Variants in KCNK6 observed in about 807,000 individuals in gnomAD.
The protein encoded by KCNK6 is potassium two pore domain channel subfamily K member 6.
In KCNK6, 20 loss-of-function variants were observed where a neutral mutation model predicts 21.9. The observed-to-expected ratio is 0.91, with a 90% CI of 0.64 to 1.32. The LOEUF (loss-of-function observed/expected upper bound fraction) is 1.32, where lower values mean the gene tolerates loss of function less well. Among genes scored for constraint, KCNK6 ranks in the 40% most tolerant of loss-of-function variants. KCNK6 has a pLI of 0.00. For missense variants in KCNK6, 415 were observed against 433.1 expected (o/e 0.96, Z 0.37); for synonymous variants, 210 against 218.0 (o/e 0.96, Z 0.32).
chr19:38,328,878 G>GAGAGAGAAAGAAAGAAAGAAAGAAAGAA lies in KCNK6; in HGVS notation c.*1478_*1479insGAGAAAGAAAGAAAGAAAGAAAGAAAGA, dbSNP rs1969741292. Reference sequence around the variant, plus strand: ...AGAGAGAAAGAAAGAAAGAAAGAGAGAGAAAGAAAGAAAGAAAGAAAGGGA... The same window carrying GAGAGAGAAAGAAAGAAAGAAAGAAAGAA: ...AGAGAGAAAGAAAGAAAGAAAGAGAGAGAGAGAAAGAAAGAAAGAAAGAAAGAAAGAAAGAAAGAAAGAAAGAAAGGGA... On this transcript the variant is annotated 3_prime_UTR_variant, in exon 3 of 3. Coordinates refer to ENST00000263372, the MANE Select transcript of KCNK6 (RefSeq NM_004823.3). The GAGAGAGAAAGAAAGAAAGAAAGAAAGAA allele has an allele frequency of 3.7e-5, 5 of 135,666 alleles. No individual in the cohort carries two copies. Among genetic ancestry groups the GAGAGAGAAAGAAAGAAAGAAAGAAAGAA allele is most frequent in the East Asian group, 2.1e-4 (1 of 4,764 alleles). The allele number at this position is 135,666 out of a possible 1,614,324, so 8.4% of individuals were successfully genotyped here. A position where few individuals can be genotyped will look rare whatever the true frequency, so the allele number is the denominator to read the frequency against.
Position 38,327,273 on chromosome 19 carries a change from T to C in KCNK6, c.812T>C (p.Leu271Pro). The C allele has an allele frequency of 2.5e-6, 4 of 1,613,742 alleles. No homozygotes were observed. The highest frequency in any genetic ancestry group is 3.4e-6 in the Non-Finnish European group (4 of 1,180,020). ...DLHGLTELIL[L>P]PPPCPASFNA... ...CACGGCCTCACGGAGCTCATCCTGC[T>C]GCCCCCTCCGTGCCCTGCCAGTTTC... is the stretch of plus-strand genomic sequence containing the variant. The change falls in exon 3 of 3, where the codon CTG becomes CCG. Residue 271 changes from leucine to proline, a missense_variant. Leu to Pro is a moderately conservative substitution (Grantham distance 98). Coordinates refer to ENST00000263372, the MANE Select transcript of KCNK6 (RefSeq NM_004823.3).
chr19:38,320,546 CT>C (rs35248793), intron 1 of KCNK6, among the ~76,000 whole-genome samples: 292 of 145,630 alleles, frequency 2.0e-3, no homozygotes, highest in Middle Eastern at 3.6e-3. Flanking sequence ...GTTCCTCGGT[CT>C]TTTTTTTTTT....
intron 1 of KCNK6, among the ~76,000 whole-genome samples, chr19:38,323,369 G>C (rs1306487102): frequency 6.6e-6 from 1 of 152,218 alleles, no homozygotes; most frequent in Admixed American, 6.5e-5. Flanking sequence ...ACGTGATTCA[G>C]AGAGACCTCT....
At chr19:38,326,175 G>C (rs561687533) in intron 1 of KCNK6, among the ~76,000 whole-genome samples, 18 of 152,214 alleles carry the variant, frequency 1.2e-4, no homozygotes, top group Admixed American at 2.0e-4. Context: ...AGGGGATGTG[G>C]GGAGAGGCAG....
At chr19:38,321,051 T>C (rs1293297018) in intron 1 of KCNK6, among the ~76,000 whole-genome samples, 1 of 152,088 alleles carries the variant, frequency 6.6e-6, no homozygotes, top group Non-Finnish European at 1.5e-5. Context: ...CCTGCCACCC[T>C]TGCCATGTCT....
chr19:38,322,751 G>A, intron 1 of KCNK6, among the ~76,000 whole-genome samples: 1 of 152,016 alleles, frequency 6.6e-6, no homozygotes, highest in East Asian at 1.9e-4. Flanking sequence ...GGAGGCAGAG[G>A]TTGCAATAAG....
At position 38,320,110 on chromosome 19, in the gene KCNK6, G is replaced by T; in HGVS notation, c.160G>T (p.Val54Leu). 6.4e-7 allele frequency: 1 copy of T among 1,573,336 alleles called. No individual in the cohort carries two copies. The highest frequency in any genetic ancestry group is 8.6e-7 in the Non-Finnish European group (1 of 1,167,526). The change falls in exon 1 of 3, where the codon GTG becomes TTG. Residue 54 changes from valine to leucine, a missense_variant. Coordinates refer to ENST00000263372, the MANE Select transcript of KCNK6 (RefSeq NM_004823.3). ...RAQLLQRSPC[V>L]AAPALDAFVE... ...GCAGCTGCTTCAGCGCAGCCCGTGT[G>T]TGGCTGCCCCCGCCCTGGACGCCTT...
Position 38,332,039 on chromosome 19 carries a change from G to A in KCNK6, c.*4636G>A, listed in dbSNP as rs896457976. ...CTAAAGCCCTTAGAGCTAGCAGTGTGTGGCACTCAATAAAATGTTGACTAA... is the reference window on the plus strand; with the variant it reads ...CTAAAGCCCTTAGAGCTAGCAGTGTATGGCACTCAATAAAATGTTGACTAA... On this transcript the variant is annotated 3_prime_UTR_variant, in exon 3 of 3. Transcript: ENST00000263372. 6.6e-6 allele frequency: 1 copy of A among 152,136 alleles called. No individual in the cohort carries two copies. The highest frequency in any genetic ancestry group is 2.4e-5 in the African/African-American group (1 of 41,430). The allele number at this position is 152,136 out of a possible 1,614,324, so 9.4% of individuals were successfully genotyped here. A position where few individuals can be genotyped will look rare whatever the true frequency, so the allele number is the denominator to read the frequency against.
In KCNK6 at chr19:38,325,750, A is replaced by G. The variant is rs200115723; in HGVS notation, c.323-843A>G. Among the ~76,000 whole-genome samples, 3 of 152,200 alleles carry G rather than the reference A, an allele frequency of 2.0e-5. No individual in the cohort carries two copies. In the East Asian group the frequency reaches 5.8e-4, roughly 29 times the overall value. ...AGCATTCTTTGGGGAAGGAACAACC[A>G]GTGCAATGGCCCTGGGGTGGGAGCG... On this transcript the variant is annotated intron_variant, in intron 1 of 2. Coordinates refer to ENST00000263372, the MANE Select transcript of KCNK6 (RefSeq NM_004823.3).
chr19:38,326,089 G>A (rs1185899372), intron 1 of KCNK6, among the ~76,000 whole-genome samples: 1 of 152,236 alleles, frequency 6.6e-6, no homozygotes, highest in African/African-American at 2.4e-5. Context: ...CGGCATGAGT[G>A]ACGAGGGCGT....
At position 38,331,759 on chromosome 19, in the gene KCNK6, G is replaced by A. The variant is rs905719033; in HGVS notation, c.*4356G>A. 1.3e-5 allele frequency: 2 copies of A among 152,226 alleles called. No individual in the cohort carries two copies. The highest frequency in any genetic ancestry group is 2.1e-4 in the South Asian group (1 of 4,834). 9.4% of individuals were successfully genotyped at this position (152,226 alleles called of 1,614,324 possible). ...TCAGGTCTTCCCAGGCACATTTGATGTTATGTACCAGCCATATGCATGTGT... is the reference window on the plus strand; with the variant it reads ...TCAGGTCTTCCCAGGCACATTTGATATTATGTACCAGCCATATGCATGTGT... On this transcript the variant is annotated 3_prime_UTR_variant, in exon 3 of 3. Transcript: ENST00000263372.
At chr19:38,323,728 G>A (rs1193259377) in intron 1 of KCNK6, among the ~76,000 whole-genome samples, 1 of 152,166 alleles carries the variant, frequency 6.6e-6, no homozygotes, top group Non-Finnish European at 1.5e-5. Context: ...GGAACCACAC[G>A]TGCACGCCAC....
At position 38,320,188 on chromosome 19, in the gene KCNK6, G is replaced by T; in HGVS notation, c.238G>T (p.Ala80Ser). Residue 80 changes from alanine (A) to serine (S), a missense_variant, in exon 1 of 3, where the codon GCT becomes TCT. Physicochemically the swap from Ala to Ser is moderately conservative, Grantham distance 99 (BLOSUM62 1). Transcript: ENST00000263372. ...GCTGGGGCGGGTCGTGCTTGCTAAC[G>T]CTTCGGGGTCCGCCAACGCCTCGGA... ...GRLGRVVLAN[A>S]SGSANASDPA... is the part of the protein sequence containing the mutation. The T allele has an allele frequency of 6.2e-7, 1 of 1,601,164 alleles. No individual in the cohort carries two copies.
Position 38,326,898 on chromosome 19 carries a change from A to G in KCNK6, c.628A>G (p.Ile210Val), listed in dbSNP as rs374512673. 3.9e-5 allele frequency: 63 copies of G among 1,611,772 alleles called. No homozygotes were observed. In the African/African-American group the frequency reaches 7.9e-4, roughly 20 times the overall value. The part of the protein sequence containing the change: ...SFLDAFYFCF[I>V]SLSTIGLGDY... Reference sequence around the variant, plus strand: ...CTTGGATGCCTTCTACTTCTGCTTTATCTCTCTGTCCACCATCGGCCTGGG... The same window carrying G: ...CTTGGATGCCTTCTACTTCTGCTTTGTCTCTCTGTCCACCATCGGCCTGGG... Residue 210 changes from isoleucine to valine, a missense_variant, in exon 2 of 3, where the codon ATC (isoleucine) becomes GTC (valine). By Grantham distance (29) the Ile-to-Val change is conservative. Transcript: ENST00000263372.
At chr19:38,324,924 AG>A (rs1704831117) in intron 1 of KCNK6, 1 of 151,990 alleles carries the variant, frequency 6.6e-6, no homozygotes, top group Non-Finnish European at 1.5e-5. Flanking sequence ...TTTTTATTAT[AG>A]TAAAATACAC....
rs1969723441 is a variant in KCNK6 at position 38,327,333 on chromosome 19, G to A, written c.872G>A (p.Gly291Asp). 1.9e-6 allele frequency: 3 copies of A among 1,612,864 alleles called. No individual in the cohort carries two copies. Among genetic ancestry groups the A allele is most frequent in the Non-Finnish European group, 2.5e-6 (3 of 1,180,008 alleles). Residue 291 changes from glycine to aspartate, a missense_variant, in exon 3 of 3, where the codon GGC becomes GAC. Gly to Asp is a moderately conservative substitution (Grantham distance 94, BLOSUM62 -1). Transcript: ENST00000263372. ...GAGGACGATCGGGTGGACATCCTGG[G>A]CCCCCAGCCGGAGTCGCACCAGCAA... ...ADEDDRVDIL[G>D]PQPESHQQLS...
rs1334956815 is a variant in KCNK6 at position 38,328,393 on chromosome 19, A to C, written c.*990A>C. The C allele has an allele frequency of 6.6e-6, 1 of 152,182 alleles. No homozygotes were observed. 9.4% of individuals were successfully genotyped at this position (152,182 alleles called of 1,614,324 possible). Reference sequence around the variant, plus strand: ...CCCTTAACCATGACACCATTGTAAGAGCTGTCCACATTTGTATGTTGTGCC... The same window carrying C: ...CCCTTAACCATGACACCATTGTAAGCGCTGTCCACATTTGTATGTTGTGCC... On this transcript the variant is annotated 3_prime_UTR_variant, in exon 3 of 3. Transcript: ENST00000263372.
At chr19:38,324,328 T>C (rs1228883969) in intron 1 of KCNK6, among the ~76,000 whole-genome samples, 1 of 152,234 alleles carries the variant, frequency 6.6e-6, no homozygotes, top group Non-Finnish European at 1.5e-5. Context: ...TCATAAGTGA[T>C]ACACCTCAAA....
At chr19:38,323,995 A>G (rs1000372110) in intron 1 of KCNK6, among the ~76,000 whole-genome samples, 27 of 152,148 alleles carry the variant, frequency 1.8e-4, no homozygotes, top group African/African-American at 6.5e-4. Context: ...ATGGCAAAAC[A>G]CTGTTTTGGA....
Sources: gnomAD v4.1 joint callset for allele counts (sites outside exome capture counted in the v4.1 genomes callset) on GRCh38, gnomAD v4.1.1 for gene constraint, MANE v1.5 for transcripts, NCBI Gene and HGNC (gene_info 2026-07-23, HGNC 2026-07-21) for gene names.